ST18: variants seen among roughly 807,000 people sequenced by gnomAD.
ST18 encodes ST18 C2H2C-type zinc finger transcription factor, also known as suppression of tumorigenicity 18 protein.
ST18 carries 50 observed loss-of-function variants against 110.0 expected under a neutral mutation model. The observed-to-expected ratio is 0.45, with a 90% CI of 0.36 to 0.58. ST18 has a LOEUF of 0.58. Among genes scored for constraint, ST18 ranks in the 20% least tolerant of loss-of-function variants. ST18 has a pLI of 0.00. For missense variants in ST18, 1,306 were observed against 1,280.1 expected (o/e 1.02, Z -0.31); for synonymous variants, 461 against 452.4 (o/e 1.02, Z -0.24).
chr8:52,191,360 T>C (rs1475696984), intron 8 of ST18, among the ~76,000 whole-genome samples: 1 of 152,204 alleles, frequency 6.6e-6, no homozygotes, highest in East Asian at 1.9e-4. Context: ...GAGCCAACCA[T>C]CATGAACTGG....
chr8:52,327,223 G>A (rs1278885778), intron 2 of ST18, among the ~76,000 whole-genome samples: 5 of 152,188 alleles, frequency 3.3e-5, no homozygotes, highest in African/African-American at 1.2e-4. Context: ...TCATCTCTTG[G>A]AATCTGCATT....
At chr8:52,150,596 A>G (rs1272356813) in intron 15 of ST18, among the ~76,000 whole-genome samples, 1 of 152,156 alleles carries the variant, frequency 6.6e-6, no homozygotes, top group Non-Finnish European at 1.5e-5. Context: ...GGAGGCAGGG[A>G]GTGCAAACCA....
intron 2 of ST18, among the ~76,000 whole-genome samples, chr8:52,323,510 C>A (rs563571339): frequency 4.1e-4 from 62 of 152,326 alleles, no homozygotes; most frequent in Non-Finnish European, 6.5e-4. Flanking sequence ...CTTCCCTTCT[C>A]CTGCTGGGCT....
intron 2 of ST18, among the ~76,000 whole-genome samples, chr8:52,297,922 T>C (rs749733364): frequency 3.3e-5 from 5 of 152,234 alleles, no homozygotes; most frequent in Non-Finnish European, 7.3e-5. Context: ...TCACCTGAAA[T>C]TGATTGACAA....
chr8:52,315,261 G>A (rs1245821656), intron 2 of ST18, among the ~76,000 whole-genome samples: 1 of 152,188 alleles, frequency 6.6e-6, no homozygotes, highest in East Asian at 1.9e-4. Context: ...CTCTTCTGAT[G>A]TGGTATAAAA....
intron 10 of ST18, among the ~76,000 whole-genome samples, chr8:52,170,261 G>C (rs2064363470): frequency 6.6e-6 from 1 of 152,122 alleles, no homozygotes. Flanking sequence ...TTCCAGACCA[G>C]CCCGGCCAAC....
chr8:52,148,440 G>A (rs1035736163), intron 16 of ST18, among the ~76,000 whole-genome samples: 1 of 152,156 alleles, frequency 6.6e-6, no homozygotes, highest in Non-Finnish European at 1.5e-5. Context: ...TCCACACCCA[G>A]CCACCTGATG....
rs1222341656 is a variant in ST18 at position 52,135,597 on chromosome 8, A to G, written c.2300+993T>C. ...AAAAAAAAAAAAAAAAAAAAGAAAGAAAGAAAAAAGGAAAAAAGACAGAAA... is the reference window on the plus strand; with the variant it reads ...AAAAAAAAAAAAAAAAAAAAGAAAGGAAGAAAAAAGGAAAAAAGACAGAAA... On this transcript the variant is annotated intron_variant, in intron 19 of 25. Coordinates refer to ENST00000689386, the MANE Select transcript of ST18 (RefSeq NM_001352837.2). Among the ~76,000 whole-genome samples the G allele has an allele frequency of 6.6e-5, 10 of 150,992 alleles. No homozygotes were observed. In the East Asian group the frequency reaches 1.7e-3, roughly 26 times the overall value.
intron 2 of ST18, among the ~76,000 whole-genome samples, chr8:52,318,704 G>T (rs748474877): frequency 6.6e-6 from 1 of 152,150 alleles, no homozygotes; most frequent in Non-Finnish European, 1.5e-5. Context: ...TACATATACT[G>T]GGTAAGAAAA....
chr8:52,321,114 G>C (rs72642771), intron 2 of ST18, among the ~76,000 whole-genome samples: 1 of 152,270 alleles, frequency 6.6e-6, no homozygotes, highest in Non-Finnish European at 1.5e-5. Context: ...TCACACAAAA[G>C]CAGGGCCGTG....
intron 3 of ST18, among the ~76,000 whole-genome samples, chr8:52,227,815 T>A (rs1287472939): frequency 6.6e-6 from 1 of 152,180 alleles, no homozygotes; most frequent in Non-Finnish European, 1.5e-5. Flanking sequence ...TCTTGATGAC[T>A]ATGTTCTGCC....
intron 2 of ST18, among the ~76,000 whole-genome samples, chr8:52,375,286 C>T (rs1831875349): frequency 6.6e-6 from 1 of 152,116 alleles, no homozygotes. Flanking sequence ...CTTTTATTTG[C>T]TCCCCTTTGC....
intron 25 of ST18, among the ~76,000 whole-genome samples, chr8:52,113,844 C>G (rs2041349555): frequency 6.6e-6 from 1 of 150,808 alleles, no homozygotes; most frequent in Non-Finnish European, 1.5e-5. Flanking sequence ...ATCCTCAGAT[C>G]CTTTTAGCCT....
At chr8:52,167,828 C>T (rs2063528997) in intron 10 of ST18, among the ~76,000 whole-genome samples, 1 of 152,096 alleles carries the variant, frequency 6.6e-6, no homozygotes, top group African/African-American at 2.4e-5. Context: ...TGGTAAGGGG[C>T]ACCTGCTCAT....
chr8:52,345,338 A>G (rs966891087), intron 2 of ST18, among the ~76,000 whole-genome samples: 25 of 152,222 alleles, frequency 1.6e-4, no homozygotes, highest in African/African-American at 6.0e-4. Context: ...AACTGATTAA[A>G]GAAAAAGGAA....
At chr8:52,374,825 T>A (rs916852571) in intron 2 of ST18, among the ~76,000 whole-genome samples, 1 of 152,180 alleles carries the variant, frequency 6.6e-6, no homozygotes, top group East Asian at 1.9e-4. Context: ...AGGATAATGA[T>A]TTCCAGCTTC....
chr8:52,336,622 C>A (rs1812201645), intron 2 of ST18, among the ~76,000 whole-genome samples: 1 of 152,158 alleles, frequency 6.6e-6, no homozygotes, highest in South Asian at 2.1e-4. Context: ...TCGGGAAGAG[C>A]CTTCCCATAG....
chr8:52,395,893 T>C (rs1840943499), intron 2 of ST18, among the ~76,000 whole-genome samples: 1 of 152,200 alleles, frequency 6.6e-6, no homozygotes, highest in Admixed American at 6.5e-5. Context: ...TTTACAGAAT[T>C]ACTAAAAATG....
intron 2 of ST18, among the ~76,000 whole-genome samples, chr8:52,385,266 G>A (rs1243408043): frequency 6.6e-6 from 1 of 152,114 alleles, no homozygotes; most frequent in African/African-American, 2.4e-5. Context: ...CCACCCTATG[G>A]TATCCTATAC....
Sources: gnomAD v4.1 joint callset for allele counts (sites outside exome capture counted in the v4.1 genomes callset) on GRCh38, gnomAD v4.1.1 for gene constraint, MANE v1.5 for transcripts, NCBI Gene and HGNC (gene_info 2026-07-23, HGNC 2026-07-21) for gene names.